DLG2: variants seen among roughly 807,000 people sequenced by gnomAD.
DLG2 encodes the protein disks large homolog 2.
DLG2 carries 45 observed loss-of-function variants against 132.5 expected under a neutral mutation model. The observed-to-expected ratio is 0.34, with a 90% CI of 0.27 to 0.44. The LOEUF is 0.44. DLG2 is among the 20% of genes least tolerant of loss of function. The probability of loss-of-function intolerance (pLI) is 1.00; values close to 1 mark genes in which losing one functional copy is unlikely to be tolerated. For synonymous variants in DLG2, 424 were observed against 419.6 expected, an observed-to-expected ratio of 1.01 and a Z score of -0.13; for missense variants, 1,045 against 1,196.9, an observed-to-expected ratio of 0.87 and a Z score of 1.87.
intron 6 of DLG2, among the ~76,000 whole-genome samples, chr11:85,041,323 C>T (rs780960504): frequency 4.6e-5 from 7 of 151,836 alleles, no homozygotes; most frequent in Non-Finnish European, 8.8e-5. Context: ...AAAATAAGTG[C>T]CTCTTTATTG....
At chr11:84,529,567 C>T (rs933004027) in intron 7 of DLG2, among the ~76,000 whole-genome samples, 3 of 152,096 alleles carry the variant, frequency 2.0e-5, no homozygotes, top group African/African-American at 7.2e-5. Context: ...AATAAAATAC[C>T]TATGAATACA....
intron 19 of DLG2, among the ~76,000 whole-genome samples, chr11:83,567,003 A>T (rs1418949952): frequency 2.0e-5 from 3 of 152,212 alleles, no homozygotes; most frequent in Non-Finnish European, 4.4e-5. Context: ...TATTTATCCC[A>T]TCTTGACTCC....
Position 84,850,353 on chromosome 11 carries a change from C to T in DLG2, c.357+261308G>A, listed in dbSNP as rs552262597. On this transcript the variant is annotated intron_variant, in intron 6 of 27. Transcript: ENST00000376104. Reference sequence around the variant, plus strand: ...TGAATTGCTAAATGACTAGCTGTAGCGGACCTTACCACCCACTTCGACTTT... The same window carrying T: ...TGAATTGCTAAATGACTAGCTGTAGTGGACCTTACCACCCACTTCGACTTT... 2.5e-4 allele frequency among the ~76,000 whole-genome samples: 36 copies of T among 146,482 alleles called. No individual in the cohort carries two copies. In the South Asian group the frequency reaches 4.0e-3, roughly 16 times the overall value.
intron 3 of DLG2, among the ~76,000 whole-genome samples, chr11:85,404,441 C>T (rs538762619): frequency 6.6e-5 from 10 of 151,980 alleles, no homozygotes; most frequent in African/African-American, 1.4e-4. Flanking sequence ...TCACCTAATA[C>T]AGAACAATCA....
At chr11:84,826,884 A>G (rs977167027) in intron 6 of DLG2, among the ~76,000 whole-genome samples, 4 of 151,972 alleles carry the variant, frequency 2.6e-5, no homozygotes, top group East Asian at 2.0e-4. Context: ...AAATCTTTCA[A>G]TATTTCTCCT....
At chr11:83,690,952 T>G (rs2080886632) in intron 18 of DLG2, among the ~76,000 whole-genome samples, 1 of 152,206 alleles carries the variant, frequency 6.6e-6, no homozygotes, top group Non-Finnish European at 1.5e-5. Flanking sequence ...AATGGCAAAG[T>G]TGACTATTTC....
At chr11:85,099,927 T>C (rs756241725) in intron 6 of DLG2, among the ~76,000 whole-genome samples, 1 of 152,100 alleles carries the variant, frequency 6.6e-6, no homozygotes, top group Admixed American at 6.6e-5. Flanking sequence ...CTTGCGCTTC[T>C]AAAGGCTCCT....
intron 7 of DLG2, among the ~76,000 whole-genome samples, chr11:84,401,095 T>C (rs2098827814): frequency 6.6e-6 from 1 of 152,180 alleles, no homozygotes; most frequent in South Asian, 2.1e-4. Context: ...CATTTTATGG[T>C]TGAGAAAACT....
At chr11:84,351,177 T>C (rs2098566686) in intron 7 of DLG2, among the ~76,000 whole-genome samples, 2 of 152,148 alleles carry the variant, frequency 1.3e-5, no homozygotes, top group Non-Finnish European at 2.9e-5. Context: ...TAATAACACT[T>C]ATCATGGTTT....
intron 2 of DLG2, among the ~76,000 whole-genome samples, chr11:85,607,686 T>C (rs974478864): frequency 2.0e-5 from 3 of 152,216 alleles, no homozygotes; most frequent in African/African-American, 7.2e-5. Context: ...GGAGACTATC[T>C]GGAATTTTAG....
At chr11:84,090,012 T>C (rs542138228) in intron 10 of DLG2, among the ~76,000 whole-genome samples, 3 of 152,358 alleles carry the variant, frequency 2.0e-5, no homozygotes, top group African/African-American at 7.2e-5. Context: ...AGGGCATTTT[T>C]ATAATTCAAA....
At chr11:84,164,535 G>A (rs1458853265) in intron 8 of DLG2, among the ~76,000 whole-genome samples, 1 of 152,148 alleles carries the variant, frequency 6.6e-6, no homozygotes, top group Non-Finnish European at 1.5e-5. Flanking sequence ...TGCAGGCAAG[G>A]CCCAGACAGC....
intron 19 of DLG2, among the ~76,000 whole-genome samples, chr11:83,583,482 A>G (rs1042936081): frequency 2.0e-5 from 3 of 152,108 alleles, no homozygotes; most frequent in African/African-American, 7.2e-5. Context: ...TCTTCCTTTT[A>G]TTCTCTGGGG....
intron 3 of DLG2, among the ~76,000 whole-genome samples, chr11:85,470,819 T>A (rs2092962067): frequency 6.6e-6 from 1 of 152,212 alleles, no homozygotes; most frequent in Admixed American, 6.5e-5. Flanking sequence ...GGCCAAGACT[T>A]GGAAGTTAAA....
chr11:85,448,205 T>A (rs2153039493), intron 3 of DLG2, among the ~76,000 whole-genome samples: 1 of 152,260 alleles, frequency 6.6e-6, no homozygotes, highest in South Asian at 2.1e-4. Flanking sequence ...AAAAGCCCTA[T>A]CAGAAAAGGA....
chr11:84,126,111 C>G (rs1047993999), intron 9 of DLG2, among the ~76,000 whole-genome samples: 5 of 152,068 alleles, frequency 3.3e-5, no homozygotes, highest in African/African-American at 1.2e-4. Context: ...TTAGTAAGAA[C>G]TGGAGTGTAA....
chr11:84,857,891 C>A (rs1011972922), intron 6 of DLG2, among the ~76,000 whole-genome samples: 1 of 145,980 alleles, frequency 6.9e-6, no homozygotes, highest in South Asian at 2.2e-4. Flanking sequence ...TAGCCACTAA[C>A]TTTTTTTTTT....
At chr11:84,663,732 A>C (rs549739069) in intron 6 of DLG2, among the ~76,000 whole-genome samples, 2 of 152,250 alleles carry the variant, frequency 1.3e-5, no homozygotes, top group East Asian at 3.9e-4. Flanking sequence ...TCATACCTGA[A>C]CCTGTTTGTA....
intron 7 of DLG2, among the ~76,000 whole-genome samples, chr11:84,322,717 G>A (rs1271330424): frequency 1.3e-5 from 2 of 151,828 alleles, no homozygotes; most frequent in Admixed American, 6.6e-5. Context: ...AGCATCCCGA[G>A]TAGCTGGAAT....
Sources: allele counts gnomAD v4.1 joint callset (sites outside exome capture counted in the v4.1 genomes callset), GRCh38; gene constraint gnomAD v4.1.1; transcripts MANE v1.5; gene names NCBI Gene and HGNC (gene_info 2026-07-23, HGNC 2026-07-21).